Variants in ATE1 observed in about 807,000 individuals in gnomAD.
ATE1 encodes the protein arginyltransferase 1.
Under a neutral mutation model 70.5 loss-of-function variants are expected in ATE1, and 36 were observed. The observed-to-expected ratio is 0.51, with a 90% confidence interval of 0.39 to 0.67. ATE1 has a LOEUF of 0.67. Ranked by LOEUF, ATE1 falls within the 30% of genes least tolerant of loss-of-function variation. The probability of loss-of-function intolerance (pLI) is 0.00; values close to 1 mark genes in which losing one functional copy is unlikely to be tolerated. For missense variants in ATE1, 593 were observed against 629.5 expected, an observed-to-expected ratio of 0.94 and a Z score of 0.62; for synonymous variants, 232 against 219.3, an observed-to-expected ratio of 1.06 and a Z score of -0.51.
At chr10:121,861,636 T>C (rs965136132) in intron 8 of ATE1, among the ~76,000 whole-genome samples, 1 of 146,654 alleles carries the variant, frequency 6.8e-6, no homozygotes, top group Middle Eastern at 3.3e-3. Flanking sequence ...CATTGGGAGA[T>C]ATACCTAATG....
intron 10 of ATE1, among the ~76,000 whole-genome samples, chr10:121,818,975 T>G (rs978633969): frequency 6.6e-6 from 1 of 152,200 alleles, no homozygotes; most frequent in Non-Finnish European, 1.5e-5. Context: ...GAACTTGACC[T>G]AGCAATCACA....
At chr10:121,782,058 G>C (rs1361536954) in intron 11 of ATE1, among the ~76,000 whole-genome samples, 1 of 151,952 alleles carries the variant, frequency 6.6e-6, no homozygotes, top group Non-Finnish European at 1.5e-5. Flanking sequence ...CCACAAAAAA[G>C]AATCTAAATA....
intron 10 of ATE1, among the ~76,000 whole-genome samples, chr10:121,808,887 G>A (rs539730037): frequency 6.6e-4 from 101 of 152,276 alleles, no homozygotes; most frequent in Admixed American, 2.9e-3. Context: ...ATCCAAAGTC[G>A]TATCTCTGAA....
intron 11 of ATE1, among the ~76,000 whole-genome samples, chr10:121,775,718 G>C (rs1945709577): frequency 6.6e-6 from 1 of 152,204 alleles, no homozygotes; most frequent in African/African-American, 2.4e-5. Context: ...TCCCTCCACT[G>C]ACGGTATCTA....
At chr10:121,814,047 G>A (rs1416616526) in intron 10 of ATE1, among the ~76,000 whole-genome samples, 3 of 152,142 alleles carry the variant, frequency 2.0e-5, no homozygotes, top group African/African-American at 7.2e-5. Flanking sequence ...TGAGTGAAAC[G>A]GACTTCCCTG....
chr10:121,902,722 G>C (rs1357564602), intron 5 of ATE1, 102 bp from the exon 6 acceptor site: 2 of 1,160,666 alleles, frequency 1.7e-6, no homozygotes, highest in African/African-American at 3.1e-5. Context: ...GAGTTTCAAT[G>C]GTTAGGCTAG....
At position 121,865,943 on chromosome 10, in the gene ATE1, G is replaced by A. The variant is rs536408414; in HGVS notation, c.975+4063C>T. On this transcript the variant is annotated intron_variant, in intron 8 of 11. Coordinates refer to ENST00000224652, the MANE Select transcript of ATE1 (RefSeq NM_001001976.3). ...ACTCATAGTAGTCATTGTGGAGAAA[G>A]TGAAGTTTAAAGTCGGCTTTGTTTT... is the stretch of plus-strand genomic sequence containing the variant. 2.0e-5 allele frequency among the ~76,000 whole-genome samples: 3 copies of A among 152,364 alleles called. No homozygotes were observed. The South Asian group carries it at 6.2e-4, about 32-fold the overall frequency.
intron 8 of ATE1, among the ~76,000 whole-genome samples, chr10:121,849,304 CTTG>C (rs1317247111): frequency 6.6e-6 from 1 of 152,086 alleles, no homozygotes; most frequent in African/African-American, 2.4e-5. Flanking sequence ...ATCAGTCTTA[CTTG>C]TTGTACCAGC....
intron 11 of ATE1, among the ~76,000 whole-genome samples, chr10:121,772,583 G>A (rs1360872520): frequency 1.3e-5 from 2 of 152,304 alleles, no homozygotes; most frequent in Non-Finnish European, 2.9e-5. Context: ...GCCTGAAGTA[G>A]TCTGTGTTTG....
chr10:121,904,725 A>C (rs1340326032), intron 5 of ATE1, among the ~76,000 whole-genome samples: 4 of 151,650 alleles, frequency 2.6e-5, no homozygotes, highest in Admixed American at 1.3e-4. Context: ...GGTTTATAAA[A>C]CTAGCAAATT....
intron 10 of ATE1, among the ~76,000 whole-genome samples, chr10:121,812,618 T>TA (rs1203927201): frequency 2.0e-5 from 3 of 152,156 alleles, no homozygotes; most frequent in African/African-American, 4.8e-5. Flanking sequence ...TTATGGTCCC[T>TA]AAAAAATTAA....
chr10:121,862,532 ATTTTTTT>A (rs35130703), intron 8 of ATE1, among the ~76,000 whole-genome samples: 32 of 105,380 alleles, frequency 3.0e-4, no homozygotes, highest in Non-Finnish European at 4.1e-4. Context: ...AATTTTTTTA[ATTTTTTT>A]TTTTTTTTTT....
intron 5 of ATE1, among the ~76,000 whole-genome samples, chr10:121,908,374 A>G (rs894726703): frequency 1.3e-5 from 2 of 152,132 alleles, no homozygotes; most frequent in African/African-American, 4.8e-5. Flanking sequence ...CTGTGGTGGC[A>G]TGCACCTGTA....
At chr10:121,912,075 G>A (rs576609734) in intron 4 of ATE1, among the ~76,000 whole-genome samples, 96 of 151,450 alleles carry the variant, frequency 6.3e-4, no homozygotes, top group African/African-American at 2.2e-3. Flanking sequence ...TAATTTTAGA[G>A]AAGACAGGGT....
intron 8 of ATE1, among the ~76,000 whole-genome samples, chr10:121,869,529 A>G (rs757023538): frequency 2.0e-5 from 3 of 152,248 alleles, no homozygotes; most frequent in African/African-American, 4.8e-5. Flanking sequence ...TTGCCTTGCT[A>G]TAACAGCACC....
chr10:121,795,977 TAA>T (rs1409846783), intron 10 of ATE1, among the ~76,000 whole-genome samples: 1 of 152,196 alleles, frequency 6.6e-6, no homozygotes, highest in African/African-American at 2.4e-5. Flanking sequence ...AACAAAGAGG[TAA>T]AAGCAGATTA....
At chr10:121,917,351 G>A (rs1264257896) in intron 3 of ATE1, among the ~76,000 whole-genome samples, 1 of 152,068 alleles carries the variant, frequency 6.6e-6, no homozygotes. Flanking sequence ...AAATAATCTG[G>A]TCATAGTTAT....
chr10:121,833,879 G>A (rs563444194), intron 10 of ATE1, among the ~76,000 whole-genome samples: 1 of 152,300 alleles, frequency 6.6e-6, no homozygotes, highest in East Asian at 1.9e-4. Context: ...ATCTGGTACA[G>A]TGATTCTCTA....
rs1945471283 is a variant in ATE1, at chr10:121,770,616, G to C, written c.1378+19553C>G. Among the ~76,000 whole-genome samples the C allele has an allele frequency of 2.0e-5, 3 of 151,358 alleles. No homozygotes were observed. The South Asian group carries it at 6.3e-4, about 32-fold the overall frequency. ...AACAATGCTATAAACCTAATTCTTT[G>C]ATCAATAAAGCCAAACTTTAATAAG... On this transcript the variant is annotated intron_variant, in intron 11 of 11. Transcript: ENST00000224652.
Sources: gnomAD v4.1 joint callset for allele counts (sites outside exome capture counted in the v4.1 genomes callset) on GRCh38, gnomAD v4.1.1 for gene constraint, MANE v1.5 for transcripts, NCBI Gene and HGNC (gene_info 2026-07-23, HGNC 2026-07-21) for gene names.